Variants in MAP3K13 observed in about 807,000 individuals in gnomAD.
The protein encoded by MAP3K13 is leucine zipper-bearing kinase.
Under a neutral mutation model 104.0 loss-of-function variants are expected in MAP3K13, and 52 were observed. The observed-to-expected ratio is 0.50, with a 90% CI of 0.40 to 0.63. The LOEUF (loss-of-function observed/expected upper bound fraction) is 0.63. Among genes scored for constraint, MAP3K13 ranks in the 20% least tolerant of loss-of-function variants. The pLI, the probability that MAP3K13 is intolerant of heterozygous loss-of-function variation, is 0.00. For missense variants in MAP3K13, 914 were observed against 1,218.5 expected, an observed-to-expected ratio of 0.75 and a Z score of 3.72; for synonymous variants, 394 against 442.2, an observed-to-expected ratio of 0.89 and a Z score of 1.37.
In MAP3K13 at chr3:185,428,727, A is replaced by G. The variant is rs757918083; in HGVS notation, c.146A>G (p.Lys49Arg). 2 of 1,614,188 alleles carry G rather than the reference A, an allele frequency of 1.2e-6. No individual in the cohort carries two copies. Among genetic ancestry groups the G allele is most frequent in the Admixed American group, 1.7e-5 (1 of 60,030 alleles). Residue 49 changes from lysine to arginine, a missense_variant, in exon 2 of 14, where the codon AAG becomes AGG. By Grantham distance (26) the Lys-to-Arg change is conservative. Coordinates refer to ENST00000265026, the MANE Select transcript of MAP3K13 (RefSeq NM_004721.5). ...AAGCTGCTCGAGGACCAGCAGGAAA[A>G]GGGGATGGTACGAACAGAGCTAATC... ...SPKLLEDQQE[K>R]GMVRTELIES...
At chr3:185,462,852 A>G (rs1163755651) in intron 7 of MAP3K13, among the ~76,000 whole-genome samples, 1 of 152,246 alleles carries the variant, frequency 6.6e-6, no homozygotes, top group Non-Finnish European at 1.5e-5. Flanking sequence ...GACCTCACTG[A>G]AAGTTTAGAA....
intron 2 of MAP3K13, among the ~76,000 whole-genome samples, chr3:185,304,222 C>T (rs1721201722): frequency 6.6e-6 from 1 of 152,156 alleles, no homozygotes; most frequent in Non-Finnish European, 1.5e-5. Flanking sequence ...TAAGACTTGT[C>T]ATGTGGCCTA....
chr3:185,294,525 A>G (rs1720852887), intron 2 of MAP3K13, among the ~76,000 whole-genome samples: 1 of 152,244 alleles, frequency 6.6e-6, no homozygotes, highest in Non-Finnish European at 1.5e-5. Context: ...CAGAAGATGT[A>G]TAATGTAGAA....
chr3:185,288,418 A>AAT (rs1203412417), intron 2 of MAP3K13, among the ~76,000 whole-genome samples: 1 of 150,632 alleles, frequency 6.6e-6, no homozygotes, highest in Non-Finnish European at 1.5e-5. Flanking sequence ...ATATAGAGAG[A>AAT]ATATATATAT....
rs1425867623 is a variant in MAP3K13, at chr3:185,450,755, T to C, written c.1170-532T>C. ...TCTGAGATCAGCTTAGGCAACATAG[T>C]GAGACCCCGTCTCTGAAAAAAAAAT... On this transcript the variant is annotated intron_variant, in intron 6 of 13. Coordinates refer to ENST00000265026, the MANE Select transcript of MAP3K13 (RefSeq NM_004721.5). This position sits in a 1 kb window ranked among gnomAD's most constrained non-coding sequence, Gnocchi z 4.2. 6.6e-6 allele frequency among the ~76,000 whole-genome samples: 1 copy of C among 151,464 alleles called. No homozygotes were observed. The highest frequency in any genetic ancestry group is 2.4e-5 in the African/African-American group (1 of 41,166).
rs1718806727 is a variant in MAP3K13 at position 185,488,090 on chromosome 3, G to A, written c.*5634G>A. ...TTCATTCACATCATTTAATTCTGTT[G>A]AATGAATATGTTCCTCCCTCACCTT... On this transcript the variant is annotated 3_prime_UTR_variant, in exon 14 of 14. Transcript: ENST00000265026. The A allele has an allele frequency of 6.6e-6, 1 of 152,174 alleles. No homozygotes were observed. The highest frequency in any genetic ancestry group is 1.5e-5 in the Non-Finnish European group (1 of 68,028). 9.4% of individuals were successfully genotyped at this position (152,174 alleles called of 1,614,324 possible). A position where few individuals can be genotyped will look rare whatever the true frequency, so the allele number is the denominator to read the frequency against.
At position 185,451,377 on chromosome 3, in the gene MAP3K13, A is replaced by C. The variant is rs1465533129; in HGVS notation, c.1260A>C (p.Glu420Asp). ...CAGATGTACTTGCCACCCCACAAGA[A>C]ACTTACTTCAAGTCTCAGGTAAGTT... is the stretch of plus-strand genomic sequence containing the variant. ...ASADVLATPQ[E>D]TYFKSQAEWR... is the part of the protein sequence containing the mutation. The change falls in exon 7 of 14, where the codon GAA (glutamate) becomes GAC (aspartate). Residue 420 changes from glutamate (E) to aspartate (D), a missense_variant. Coordinates refer to ENST00000265026, the MANE Select transcript of MAP3K13 (RefSeq NM_004721.5). The C allele has an allele frequency of 6.2e-7, 1 of 1,613,002 alleles. No homozygotes were observed. The highest frequency in any genetic ancestry group is 8.5e-7 in the Non-Finnish European group (1 of 1,179,040).
intron 5 of MAP3K13, among the ~76,000 whole-genome samples, chr3:185,448,888 T>C (rs1715735817): frequency 6.6e-6 from 1 of 152,252 alleles, no homozygotes; most frequent in Admixed American, 6.5e-5. Context: ...TAATCTTTGC[T>C]CAGCTTTCTG....
At chr3:185,342,256 A>C (rs1722747619) in intron 2 of MAP3K13, among the ~76,000 whole-genome samples, 1 of 152,136 alleles carries the variant, frequency 6.6e-6, no homozygotes, top group South Asian at 2.1e-4. Flanking sequence ...ATGAGAAAAT[A>C]AATGTTAGTT....
chr3:185,408,379 C>T lies in MAP3K13; in HGVS notation c.-85-20118C>T, dbSNP rs146584118. Reference sequence around the variant, plus strand: ...TTGAGGTCAGGAGTTTGAGACCAGCCTGGCCAACATGGTGAAATGCCATCT... The same window carrying T: ...TTGAGGTCAGGAGTTTGAGACCAGCTTGGCCAACATGGTGAAATGCCATCT... On this transcript the variant is annotated intron_variant, in intron 1 of 13. Coordinates refer to ENST00000265026, the MANE Select transcript of MAP3K13 (RefSeq NM_004721.5). Among the ~76,000 whole-genome samples the T allele has an allele frequency of 3.5e-3, 536 of 152,170 alleles. 5 individuals carry two copies. Among genetic ancestry groups the T allele is most frequent in the African/African-American group, 0.012 (494 of 41,500 alleles).
intron 10 of MAP3K13, among the ~76,000 whole-genome samples, chr3:185,469,098 G>A (rs1051004520): frequency 5.9e-5 from 9 of 152,160 alleles, no homozygotes; most frequent in Admixed American, 2.0e-4. Context: ...AAGGACTTCC[G>A]TTTCAGATGA....
chr3:185,400,090 C>G (rs1016918262), intron 1 of MAP3K13, among the ~76,000 whole-genome samples: 1 of 152,162 alleles, frequency 6.6e-6, no homozygotes, highest in Non-Finnish European at 1.5e-5. Context: ...ATGTCACCTC[C>G]CTTCACCTCT....
chr3:185,414,754 A>C lies in MAP3K13; in HGVS notation c.-85-13743A>C, dbSNP rs188391937. Among the ~76,000 whole-genome samples the C allele has an allele frequency of 4.3e-4, 65 of 152,278 alleles. 1 individual carries two copies. In the East Asian group the frequency reaches 0.011, roughly 26 times the overall value. On this transcript the variant is annotated intron_variant, in intron 1 of 13. Coordinates refer to ENST00000265026, the MANE Select transcript of MAP3K13 (RefSeq NM_004721.5). The stretch of plus-strand genomic sequence containing the variant: ...TTATTTGATTTTAATGTATAGTATA[A>C]AATAAGTATAGAATGTATTATATAT...
chr3:185,335,594 C>T (rs916232759), intron 2 of MAP3K13, among the ~76,000 whole-genome samples: 8 of 152,078 alleles, frequency 5.3e-5, no homozygotes, highest in Non-Finnish European at 7.4e-5. Context: ...ATTGGTTCCA[C>T]GACCTCCTAG....
intron 2 of MAP3K13, among the ~76,000 whole-genome samples, chr3:185,324,405 T>C (rs948549054): frequency 1.4e-4 from 22 of 152,234 alleles, no homozygotes; most frequent in African/African-American, 5.3e-4. Context: ...AGGTTGTTTA[T>C]TAAAGCACCT....
At chr3:185,336,591 T>A (rs140614795) in intron 2 of MAP3K13, among the ~76,000 whole-genome samples, 6 of 151,352 alleles carry the variant, frequency 4.0e-5, no homozygotes, top group Admixed American at 4.0e-4. Context: ...ATTTCTGGAT[T>A]GTATTTTTAA....
chr3:185,431,985 G>A (rs1015009072), intron 2 of MAP3K13, among the ~76,000 whole-genome samples: 12 of 151,636 alleles, frequency 7.9e-5, no homozygotes, highest in African/African-American at 9.7e-5. Flanking sequence ...TACATACTCC[G>A]ACACGCTACA....
intron 10 of MAP3K13, among the ~76,000 whole-genome samples, chr3:185,471,311 T>TC (rs1717767431): frequency 1.3e-5 from 2 of 149,518 alleles, no homozygotes; most frequent in African/African-American, 4.9e-5. Flanking sequence ...CTTTGCTTTT[T>TC]TTTTTTTTTT....
In MAP3K13 at chr3:185,473,584, G is replaced by A; in HGVS notation, c.2253G>A (p.Val751=). ...TAGACATACCCTCTGCTGAGCCAGT[G>A]GGGAGGAGCCCTGACCTTTCCAAGT... ...GSLDIPSAEP[V]GRSPDLSKSP... is the part of the protein sequence containing the mutation. The change falls in exon 11 of 14, where the codon GTG becomes GTA. Residue 751 remains valine, a synonymous_variant. Transcript: ENST00000265026. This position sits in a 1 kb window ranked among gnomAD's most constrained non-coding sequence, Gnocchi z 4.9. 6.2e-7 allele frequency: 1 copy of A among 1,614,162 alleles called. No homozygotes were observed. The highest frequency in any genetic ancestry group is 8.5e-7 in the Non-Finnish European group (1 of 1,180,034).
Sources: gnomAD v4.1 joint callset for allele counts (sites outside exome capture counted in the v4.1 genomes callset) on GRCh38, gnomAD v4.1.1 for gene constraint, Gnocchi (gnomAD v3.1) non-coding constraint, MANE v1.5 for transcripts, NCBI Gene and HGNC (gene_info 2026-07-23, HGNC 2026-07-21) for gene names.